Variants in KCTD14 observed in about 807,000 individuals in gnomAD.
KCTD14 encodes the protein BTB/POZ domain-containing protein KCTD14.
In KCTD14, 7 loss-of-function variants were observed where a neutral mutation model predicts 5.9. The ratio of observed to expected loss-of-function variants is 1.19; its 90% CI spans 0.68 to 2.23. KCTD14 has a LOEUF of 2.23. Ranked by LOEUF, KCTD14 falls within the 30% of genes most tolerant of loss-of-function variation. KCTD14 has a pLI of 0.00. For synonymous variants in KCTD14, 140 were observed against 133.1 expected (o/e 1.05, Z -0.36); for missense variants, 342 against 332.2 (o/e 1.03, Z -0.23).
rs376441010 is a variant in KCTD14, at chr11:78,016,981, T to A, written c.380A>T (p.Gln127Leu). 5 of 1,614,076 alleles carry A rather than the reference T, an allele frequency of 3.1e-6. No individual in the cohort carries two copies. Among genetic ancestry groups the A allele is most frequent in the Non-Finnish European group, 4.2e-6 (5 of 1,180,048 alleles). ...PLVKLLEDMPQIFGEQVSRKQ... is the reference protein window; with the variant it reads ...PLVKLLEDMPLIFGEQVSRKQ... ...CCGAGACACCTGCTCACCAAAGATC[T>A]GTGGCATGTCCTCCAGCAGCTTGAC... The change falls in exon 2 of 2, where the codon CAG becomes CTG. Residue 127 changes from glutamine to leucine, a missense_variant. Coordinates refer to ENST00000353172, the MANE Select transcript of KCTD14 (RefSeq NM_023930.4).
At chr11:78,017,510 C>G (rs1394601747) in intron 1 of KCTD14, among the ~76,000 whole-genome samples, 1 of 149,578 alleles carries the variant, frequency 6.7e-6, no homozygotes, top group African/African-American at 2.5e-5. Flanking sequence ...TGCAGTGGTG[C>G]AATCTCGGCT....
chr11:78,041,535 C>T (rs1857992833), intron 1 of KCTD14, among the ~76,000 whole-genome samples: 2 of 152,208 alleles, frequency 1.3e-5, no homozygotes, highest in African/African-American at 2.4e-5. Flanking sequence ...GCGGGAGGGA[C>T]GATGATCAGG....
chr11:78,019,919 A>T (rs1469826783), intron 1 of KCTD14, among the ~76,000 whole-genome samples: 5 of 152,158 alleles, frequency 3.3e-5, no homozygotes, highest in Admixed American at 3.3e-4. Context: ...TCATTACATA[A>T]ATTACCTTCA....
rs34088894 is a variant in KCTD14, at chr11:78,029,185, C to CA, written c.-1+9478dup. Among the ~76,000 whole-genome samples the CA allele has an allele frequency of 2.4e-3, 269 of 113,306 alleles. 2 individuals carry two copies. Among genetic ancestry groups the CA allele is most frequent in the East Asian group, 7.5e-3 (26 of 3,460 alleles). The allele number at this position is 113,306 out of a possible 152,430, so 74.3% of individuals were successfully genotyped here. On this transcript the variant is annotated intron_variant, in intron 2 of 2. Transcript: ENST00000533144. The stretch of plus-strand genomic sequence containing the variant: ...GAGCAAAAGAGCAAGACTCTGTCTC[C>CA]AAAAAAAAAAAAAAAAAGAGAGATG...
chr11:78,017,451 CT>C (rs367766490), intron 1 of KCTD14, among the ~76,000 whole-genome samples, 181 bp from the exon 2 acceptor site: 20,425 of 135,640 alleles, frequency 0.15, 1,649 homozygotes, highest in Middle Eastern at 0.23. Flanking sequence ...AGGGGGTGGG[CT>C]TTTTTTTTTT....
At chr11:78,025,128 A>G (rs1190842770), upstream of KCTD14, among the ~76,000 whole-genome samples, 26 of 59,598 alleles carry the variant, frequency 4.4e-4, no homozygotes, top group African/African-American at 2.2e-3. Context: ...GTATATATAT[A>G]TATATATATA....
rs370582835 is a variant in KCTD14 at position 78,017,081 on chromosome 11, G to A, written c.280C>T (p.Arg94Cys). ...TGCTGTGTGGGCACTTGCCCAGTGC[G>A]CAGGTAGTCCAGGATGGGTCTGAAA... ...TYFRPILDYL[R>C]TGQVPTQHIP... The change falls in exon 2 of 2, where the codon CGC becomes TGC. Residue 94 changes from arginine (R) to cysteine (C), a missense_variant. Coordinates refer to ENST00000353172, the MANE Select transcript of KCTD14 (RefSeq NM_023930.4). 4.0e-5 allele frequency: 64 copies of A among 1,614,118 alleles called. No homozygotes were observed. The Middle Eastern group carries it at 8.2e-4, about 21-fold the overall frequency.
intron 2 of KCTD14, among the ~76,000 whole-genome samples, chr11:78,038,019 C>T (rs1277123391): frequency 6.7e-6 from 1 of 150,110 alleles, no homozygotes; most frequent in African/African-American, 2.4e-5. Context: ...TCAGTGCTAC[C>T]TGACTCTTGC....
At chr11:78,017,292 T>TA in intron 1 of KCTD14, 22 bp from the exon 2 acceptor site, 1 of 1,559,746 alleles carries the variant, frequency 6.4e-7, no homozygotes, top group Non-Finnish European at 8.7e-7. Context: ...AGAGGCAGAG[T>TA]AAACCAACAC....
At chr11:78,017,517 G>T (rs1160702094) in intron 1 of KCTD14, among the ~76,000 whole-genome samples, 1 of 149,750 alleles carries the variant, frequency 6.7e-6, no homozygotes, top group South Asian at 2.1e-4. Flanking sequence ...GTGCAATCTC[G>T]GCTCACTGCA....
At chr11:78,039,424 G>A (rs374206066) in intron 1 of KCTD14, among the ~76,000 whole-genome samples, 2 of 152,062 alleles carry the variant, frequency 1.3e-5, no homozygotes, top group African/African-American at 4.8e-5. Context: ...AGCTACTCAG[G>A]AGGCTGAGGC....
chr11:78,023,334 C>T (rs1045964308), upstream of KCTD14: 87 of 1,357,900 alleles, frequency 6.4e-5, no homozygotes, highest in Non-Finnish European at 8.7e-5. Context: ...CGGGGCTGAG[C>T]CAGGCGTGGC....
chr11:78,026,185 T>G (rs776657088), upstream of KCTD14, among the ~76,000 whole-genome samples: 4 of 152,078 alleles, frequency 2.6e-5, no homozygotes, highest in Non-Finnish European at 5.9e-5. Flanking sequence ...GCCTGTAATC[T>G]CACCACTTTG....
intron 2 of KCTD14, among the ~76,000 whole-genome samples, chr11:78,032,821 C>A (rs1349377945): frequency 6.7e-6 from 1 of 150,298 alleles, no homozygotes; most frequent in African/African-American, 2.5e-5. Context: ...TCACCCCCAA[C>A]AGGTACAGCA....
At chr11:78,034,290 T>A (rs1857724076) in intron 2 of KCTD14, among the ~76,000 whole-genome samples, 1 of 152,206 alleles carries the variant, frequency 6.6e-6, no homozygotes, top group East Asian at 1.9e-4. Flanking sequence ...GCCTGGCTAG[T>A]TTTTAAATTT....
At chr11:78,030,654 C>CG (rs1206964816) in intron 2 of KCTD14, among the ~76,000 whole-genome samples, 2 of 152,218 alleles carry the variant, frequency 1.3e-5, no homozygotes, top group African/African-American at 4.8e-5. Flanking sequence ...GGAGACAATG[C>CG]GGCCAGCCCC....
upstream of KCTD14, among the ~76,000 whole-genome samples, chr11:78,027,033 A>G (rs1271136799): frequency 2.0e-5 from 3 of 152,142 alleles, no homozygotes; most frequent in East Asian, 5.8e-4. Flanking sequence ...TGGGAGGTGG[A>G]GGTTGCAGTG....
intron 2 of KCTD14, among the ~76,000 whole-genome samples, chr11:78,038,151 T>G (rs548505439): frequency 5.3e-5 from 8 of 152,094 alleles, no homozygotes; most frequent in African/African-American, 1.7e-4. Context: ...GACTGAAAAT[T>G]GGCCAGCAAA....
chr11:78,017,888 G>A (rs111863834), intron 1 of KCTD14, among the ~76,000 whole-genome samples: 6,411 of 152,070 alleles, frequency 0.042, 451 homozygotes, highest in African/African-American at 0.14. Flanking sequence ...CCTGAGGTCA[G>A]GAGTTCAAGA....
Sources: gnomAD v4.1 joint callset for allele counts (sites outside exome capture counted in the v4.1 genomes callset) on GRCh38, gnomAD v4.1.1 for gene constraint, MANE v1.5 for transcripts, NCBI Gene and HGNC (gene_info 2026-07-23, HGNC 2026-07-21) for gene names.